BAZ2B: variants seen among roughly 807,000 people sequenced by gnomAD.
BAZ2B encodes bromodomain adjacent to zinc finger domain protein 2B.
Under a neutral mutation model 246.0 loss-of-function variants are expected in BAZ2B, and 91 were observed. The observed-to-expected ratio is 0.37, with a 90% confidence interval of 0.31 to 0.44. BAZ2B has a LOEUF of 0.44. Ranked by LOEUF, BAZ2B falls within the 20% of genes least tolerant of loss-of-function variation. The pLI is 1.00. For missense variants in BAZ2B, 2,332 were observed against 2,533.7 expected, an observed-to-expected ratio of 0.92 and a Z score of 1.71; for synonymous variants, 855 against 860.0, an observed-to-expected ratio of 0.99 and a Z score of 0.10.
chr2:159,456,978 A>C (rs1469607866), intron 3 of BAZ2B, among the ~76,000 whole-genome samples: 1 of 152,242 alleles, frequency 6.6e-6, no homozygotes, highest in Non-Finnish European at 1.5e-5. Flanking sequence ...TTTAGAACTC[A>C]GTGATATTTT....
intron 14 of BAZ2B, among the ~76,000 whole-genome samples, chr2:159,410,954 G>C (rs965676706): frequency 3.9e-5 from 6 of 152,294 alleles, no homozygotes; most frequent in Admixed American, 3.9e-4. Context: ...GTGAGTGGTT[G>C]CATGTGTGTG....
chr2:159,323,516 A>G (rs1041163872), intron 36 of BAZ2B, among the ~76,000 whole-genome samples: 1 of 151,992 alleles, frequency 6.6e-6, no homozygotes. Flanking sequence ...AGAACAAACA[A>G]AAGAGGCTGG....
At chr2:159,397,189 C>T in intron 19 of BAZ2B, 156 bp downstream of exon 19, 1 of 1,303,098 alleles carries the variant, frequency 7.7e-7, no homozygotes, top group Non-Finnish European at 1.1e-6. Flanking sequence ...ACACCAATAC[C>T]AAAGCAAGGC....
the BAZ2B span, among the ~76,000 whole-genome samples, chr2:159,654,046 T>G: frequency 6.6e-6 from 1 of 152,192 alleles, no homozygotes; most frequent in Non-Finnish European, 1.5e-5. Flanking sequence ...AAAATCTTAG[T>G]GGAATTTTTC....
At chr2:159,527,620 G>A (rs1013727116) in intron 2 of BAZ2B, among the ~76,000 whole-genome samples, 1 of 152,070 alleles carries the variant, frequency 6.6e-6, no homozygotes, top group Non-Finnish European at 1.5e-5. Context: ...TGAGCTACAG[G>A]AGAAGAAGAA....
At chr2:159,386,810 T>C (rs3821297) in intron 21 of BAZ2B, among the ~76,000 whole-genome samples, 2 of 152,238 alleles carry the variant, frequency 1.3e-5, no homozygotes, top group East Asian at 3.9e-4. Flanking sequence ...AGTATCTTCA[T>C]ACAAGTAAGC....
At chr2:159,426,467 G>A (rs879328451) in intron 13 of BAZ2B, among the ~76,000 whole-genome samples, 16 of 152,054 alleles carry the variant, frequency 1.1e-4, no homozygotes, top group Non-Finnish European at 2.2e-4. Context: ...CGTGTATACA[G>A]AATGTGTAAC....
chr2:159,676,952 T>TTTTATATATA, the BAZ2B span, among the ~76,000 whole-genome samples: 2 of 117,826 alleles, frequency 1.7e-5, no homozygotes, highest in African/African-American at 6.5e-5. Context: ...AATAGTTTTG[T>TTTTATATATA]TATATATATA....
chr2:159,387,412 T>TA (rs35156172), intron 21 of BAZ2B, among the ~76,000 whole-genome samples: 130 of 152,272 alleles, frequency 8.5e-4, no homozygotes, highest in African/African-American at 2.9e-3. Flanking sequence ...AATGAGAGCC[T>TA]AAAAAAGTAC....
At chr2:159,361,101 G>C (rs1028077044) in intron 27 of BAZ2B, among the ~76,000 whole-genome samples, 2 of 152,126 alleles carry the variant, frequency 1.3e-5, no homozygotes, top group Non-Finnish European at 2.9e-5. Flanking sequence ...ATTGACAAAT[G>C]GGATCTAATT....
downstream of BAZ2B, among the ~76,000 whole-genome samples, chr2:159,317,061 A>C (rs2062205807): frequency 6.6e-6 from 1 of 152,170 alleles, no homozygotes; most frequent in Admixed American, 6.5e-5. Context: ...CTCCTTGTTG[A>C]AATAAAATTC....
chr2:159,335,569 G>A (rs2065517474), intron 33 of BAZ2B, among the ~76,000 whole-genome samples: 1 of 148,532 alleles, frequency 6.7e-6, no homozygotes, highest in Non-Finnish European at 1.5e-5. Flanking sequence ...AAAAATTATA[G>A]TAAATTCCAA....
intron 27 of BAZ2B, among the ~76,000 whole-genome samples, chr2:159,356,610 C>A (rs775290658): frequency 9.2e-5 from 14 of 152,210 alleles, no homozygotes; most frequent in Non-Finnish European, 1.6e-4. Flanking sequence ...TCTCCCAGCA[C>A]AGTAGTCAAG....
chr2:159,386,001 T>C (rs2062612936), intron 22 of BAZ2B, among the ~76,000 whole-genome samples: 1 of 152,154 alleles, frequency 6.6e-6, no homozygotes, highest in Non-Finnish European at 1.5e-5. Flanking sequence ...TTCACAGTGA[T>C]TGAGAGAGAA....
At chr2:159,414,080 A>G (rs1576733282) in intron 13 of BAZ2B, among the ~76,000 whole-genome samples, 1 of 152,246 alleles carries the variant, frequency 6.6e-6, no homozygotes. Context: ...ATTCAGCCAT[A>G]AAGAAAAATG....
chr2:159,609,558 G>A (rs922530756), intron 1 of BAZ2B, among the ~76,000 whole-genome samples: 1 of 152,034 alleles, frequency 6.6e-6, no homozygotes, highest in Non-Finnish European at 1.5e-5. Flanking sequence ...ATTGATCTAT[G>A]GACAAAATCA....
At chr2:159,656,721 C>T in the BAZ2B span, among the ~76,000 whole-genome samples, 2 of 152,146 alleles carry the variant, frequency 1.3e-5, no homozygotes, top group African/African-American at 4.8e-5. Flanking sequence ...GTAACACTCT[C>T]ATTTTAATTA....
At chr2:159,390,102 A>T (rs2063148663) in intron 20 of BAZ2B, among the ~76,000 whole-genome samples, 1 of 152,050 alleles carries the variant, frequency 6.6e-6, no homozygotes, top group Non-Finnish European at 1.5e-5. Flanking sequence ...TTACTTTTTC[A>T]TCATATCTCA....
chr2:159,371,774 A>T (rs529941388), intron 27 of BAZ2B, among the ~76,000 whole-genome samples: 1 of 152,358 alleles, frequency 6.6e-6, no homozygotes, highest in East Asian at 1.9e-4. Context: ...TGTACCAAAC[A>T]TTATGACAAA....
Sources: allele counts gnomAD v4.1 joint callset (sites outside exome capture counted in the v4.1 genomes callset), GRCh38; gene constraint gnomAD v4.1.1; transcripts MANE v1.5; gene names NCBI Gene and HGNC (gene_info 2026-07-23, HGNC 2026-07-21).